The following PTPRN2 variants were observed in gnomAD, a reference collection of about 807,000 sequenced individuals.
PTPRN2 encodes the protein receptor-type tyrosine-protein phosphatase N2.
PTPRN2 carries 74 observed loss-of-function variants against 118.8 expected under a neutral mutation model. The observed-to-expected ratio is 0.62, with a 90% CI of 0.52 to 0.76. The LOEUF (loss-of-function observed/expected upper bound fraction) is 0.76, where lower values mean the gene tolerates loss of function less well. Ranked by LOEUF, PTPRN2 falls within the 30% of genes least tolerant of loss-of-function variation. The pLI is 0.00. For missense variants in PTPRN2, 1,481 were observed against 1,394.4 expected (o/e 1.06, Z -0.99); for synonymous variants, 641 against 608.0 (o/e 1.05, Z -0.80).
At position 157,619,144 on chromosome 7, in the gene PTPRN2, TACAG is replaced by T. The variant is rs1456425522; in HGVS notation, c.2344+2214_2344+2217del. ...GCCCCCAACCCCCCCATCCACACTGTACAGACAGAGCCCAGAAGGCTGCAGGGCA... is the reference window on the plus strand; with the variant it reads ...GCCCCCAACCCCCCCATCCACACTGTACAGAGCCCAGAAGGCTGCAGGGCA... On this transcript the variant is annotated intron_variant, in intron 15 of 22. Transcript: ENST00000389418. This position sits in a 1 kb window ranked among gnomAD's most constrained non-coding sequence, Gnocchi z 5.3. Among the ~76,000 whole-genome samples the T allele has an allele frequency of 6.6e-6, 1 of 151,922 alleles. No homozygotes were observed. The highest frequency in any genetic ancestry group is 6.6e-5 in the Admixed American group (1 of 15,256).
intron 2 of PTPRN2, among the ~76,000 whole-genome samples, chr7:158,373,019 G>A (rs772559245): frequency 2.0e-5 from 3 of 152,194 alleles, no homozygotes; most frequent in Non-Finnish European, 4.4e-5. Flanking sequence ...CAGGGAGGCT[G>A]CCAGAGGATG....
At chr7:157,882,472 C>T (rs1402251546) in intron 12 of PTPRN2, among the ~76,000 whole-genome samples, 2 of 151,874 alleles carry the variant, frequency 1.3e-5, no homozygotes, top group Non-Finnish European at 2.9e-5. Context: ...ACACACCACC[C>T]CCAAAATGAC....
intron 12 of PTPRN2, among the ~76,000 whole-genome samples, chr7:157,731,365 C>T (rs1234895849): frequency 6.6e-6 from 1 of 152,202 alleles, no homozygotes; most frequent in Admixed American, 6.5e-5. Context: ...AGAACCGTAT[C>T]TGGCATATGG....
intron 2 of PTPRN2, among the ~76,000 whole-genome samples, chr7:158,431,873 C>CT (rs1472134347): frequency 2.0e-5 from 3 of 152,262 alleles, no homozygotes. Context: ...GAAGCTGTGT[C>CT]TGAGTGCTCC....
At chr7:157,642,814 CAAAAAAAAAAAAAAAA>C (rs11335302) in intron 14 of PTPRN2, among the ~76,000 whole-genome samples, 1 of 24,204 alleles carries the variant, frequency 4.1e-5, no homozygotes, top group African/African-American at 1.1e-4. Flanking sequence ...CAAGAAACAG[CAAAAAAAAAAAAAAAA>C]AAAAAAAAAA....
At chr7:157,621,164 T>C (rs556309024) in intron 15 of PTPRN2, among the ~76,000 whole-genome samples, 198 bp downstream of exon 15, 13,100 of 34,150 alleles carry the variant, frequency 0.38, 1,185 homozygotes, top group Non-Finnish European at 0.41. Flanking sequence ...TGCTGGTATG[T>C]ACAGGTCAGC....
intron 1 of PTPRN2, among the ~76,000 whole-genome samples, chr7:158,562,268 C>A (rs375705781): frequency 6.6e-6 from 1 of 152,076 alleles, no homozygotes; most frequent in African/African-American, 2.4e-5. Context: ...ATGAAGGGGG[C>A]GAGGAAGCTC....
At chr7:158,143,316 G>C (rs1433205200) in intron 6 of PTPRN2, among the ~76,000 whole-genome samples, 1 of 152,220 alleles carries the variant, frequency 6.6e-6, no homozygotes, top group East Asian at 1.9e-4. Flanking sequence ...AACAGCCCCA[G>C]AGAACTGGCA....
chr7:157,824,865 G>T (rs1326275852), intron 12 of PTPRN2, among the ~76,000 whole-genome samples: 4 of 152,232 alleles, frequency 2.6e-5, no homozygotes, highest in African/African-American at 9.6e-5. Flanking sequence ...TGGAGCAGAT[G>T]ATGGAACCAC....
intron 1 of PTPRN2, among the ~76,000 whole-genome samples, chr7:158,530,511 G>C (rs921776880): frequency 6.6e-6 from 1 of 152,270 alleles, no homozygotes; most frequent in Non-Finnish European, 1.5e-5. Context: ...GGGAGCTCTG[G>C]TACCCCACGA....
intron 13 of PTPRN2, among the ~76,000 whole-genome samples, chr7:157,664,075 G>A (rs1210084256): frequency 6.6e-6 from 1 of 152,194 alleles, no homozygotes; most frequent in East Asian, 1.9e-4. Context: ...GCCACTGGGA[G>A]CTGTTTTTCC....
At chr7:157,678,759 T>C (rs989052494) in intron 13 of PTPRN2, among the ~76,000 whole-genome samples, 1 of 152,092 alleles carries the variant, frequency 6.6e-6, no homozygotes, top group African/African-American at 2.4e-5. Flanking sequence ...TATTGTGAAA[T>C]AAACCATCAA....
chr7:157,824,283 C>T (rs926157903), intron 12 of PTPRN2, among the ~76,000 whole-genome samples: 9 of 152,176 alleles, frequency 5.9e-5, no homozygotes, highest in Admixed American at 3.3e-4. Context: ...GGTCCTCCTC[C>T]TAGGGCAGGG....
chr7:158,311,070 TA>T lies in PTPRN2; in HGVS notation c.277+5748del, dbSNP rs1801687794. Among the ~76,000 whole-genome samples the T allele has an allele frequency of 2.0e-5, 3 of 151,948 alleles. No individual in the cohort carries two copies. The South Asian group carries it at 6.2e-4, about 32-fold the overall frequency. On this transcript the variant is annotated intron_variant, in intron 3 of 22. Transcript: ENST00000389418. ...AGCTCCAAGGGCCCAGGATGGGAGG[TA>T]AAACAAGACAGGCGAGCACAGGGAG... is the stretch of plus-strand genomic sequence containing the variant.
intron 12 of PTPRN2, among the ~76,000 whole-genome samples, chr7:157,890,475 A>G (rs1328833592): frequency 6.6e-6 from 1 of 152,152 alleles, no homozygotes; most frequent in Non-Finnish European, 1.5e-5. Context: ...CCCCGTCTCT[A>G]CTAAAAATAC....
At chr7:157,601,433 TA>T (rs1801659677) in intron 16 of PTPRN2, among the ~76,000 whole-genome samples, 2 of 148,374 alleles carry the variant, frequency 1.3e-5, no homozygotes, top group African/African-American at 5.2e-5. Flanking sequence ...GCTTCATTCT[TA>T]CAACCCAAAT....
chr7:157,773,696 T>C (rs1803022300), intron 12 of PTPRN2, among the ~76,000 whole-genome samples: 1 of 152,240 alleles, frequency 6.6e-6, no homozygotes, highest in Non-Finnish European at 1.5e-5. Context: ...CTTGGAGCTG[T>C]ATCTTCCTCA....
intron 12 of PTPRN2, among the ~76,000 whole-genome samples, chr7:157,685,964 G>A (rs1032632370): frequency 6.6e-6 from 1 of 152,174 alleles, no homozygotes; most frequent in African/African-American, 2.4e-5. Context: ...CCACAAGGAG[G>A]CCCCTCCTGC....
At chr7:158,448,967 C>G (rs914640637) in intron 2 of PTPRN2, among the ~76,000 whole-genome samples, 3 of 152,098 alleles carry the variant, frequency 2.0e-5, no homozygotes, top group Non-Finnish European at 4.4e-5. Context: ...AGGTGACACC[C>G]CCGCCTCCTC....
Sources: allele counts gnomAD v4.1 joint callset (sites outside exome capture counted in the v4.1 genomes callset), GRCh38; gene constraint gnomAD v4.1.1; non-coding constraint Gnocchi (gnomAD v3.1); transcripts MANE v1.5; gene names NCBI Gene and HGNC (gene_info 2026-07-23, HGNC 2026-07-21).